CHD7: variants seen among roughly 807,000 people sequenced by gnomAD.
CHD7 encodes the protein chromodomain helicase DNA binding protein 7.
In CHD7, 24 loss-of-function variants were observed where a neutral mutation model predicts 307.3. The ratio of observed to expected loss-of-function variants is 0.08; its 90% CI spans 0.06 to 0.11. The LOEUF (loss-of-function observed/expected upper bound fraction) is 0.11, where lower values mean the gene tolerates loss of function less well. CHD7 is among the 10% of genes least tolerant of loss of function. The pLI is 1.00. For synonymous variants in CHD7, 1,363 were observed against 1,349.9 expected (o/e 1.01, Z -0.21); for missense variants, 3,106 against 3,727.1 (o/e 0.83, Z 4.34).
intron 4 of CHD7, among the ~76,000 whole-genome samples, chr8:60,799,752 C>A (rs1769207449): frequency 6.6e-6 from 1 of 152,078 alleles, no homozygotes. Context: ...CCTATAGATT[C>A]ATTAGCCAGC....
At chr8:60,857,314 G>A (rs3793444) in intron 34 of CHD7, among the ~76,000 whole-genome samples, 104,434 of 152,114 alleles carry the variant, frequency 0.69, 36,271 homozygotes, top group African/African-American at 0.77. Flanking sequence ...AAATTCTCCT[G>A]TCTCCTTAAG....
intron 7 of CHD7, among the ~76,000 whole-genome samples, chr8:60,810,745 C>T (rs1033462397): frequency 6.6e-6 from 1 of 152,108 alleles, no homozygotes; most frequent in Non-Finnish European, 1.5e-5. Context: ...AAAACTTTAT[C>T]CAAAATGTCC....
intron 3 of CHD7, among the ~76,000 whole-genome samples, chr8:60,793,767 T>G (rs1811885298): frequency 1.3e-5 from 2 of 152,328 alleles, no homozygotes; most frequent in South Asian, 4.1e-4. Flanking sequence ...TTTTAAAAAA[T>G]CATTACTGAG....
At chr8:60,690,780 T>A (rs1006047720) in intron 1 of CHD7, among the ~76,000 whole-genome samples, 1 of 152,164 alleles carries the variant, frequency 6.6e-6, no homozygotes, top group African/African-American at 2.4e-5. Flanking sequence ...TTTACTGTTG[T>A]CTCGGTATGG....
intron 17 of CHD7, among the ~76,000 whole-genome samples, 182 bp from the exon 18 acceptor site, chr8:60,837,486 C>A (rs1029236570): frequency 6.6e-6 from 1 of 152,154 alleles, no homozygotes; most frequent in Admixed American, 6.5e-5. Flanking sequence ...CCAGCTCTCT[C>A]GCCTCTTTAT....
Position 60,865,112 on chromosome 8 carries a change from A to T in CHD7, c.8173A>T (p.Ile2725Phe). Residue 2725 changes from isoleucine (I) to phenylalanine (F), a missense_variant, in exon 38 of 38, where the codon ATC (isoleucine) becomes TTC (phenylalanine). Ile to Phe is a conservative substitution (Grantham distance 21). This residue lies in a region of CHD7 where 351 missense variants were observed against 366.2 expected (regional missense o/e 0.96). Coordinates refer to ENST00000423902, the MANE Select transcript of CHD7 (RefSeq NM_017780.4). This position sits in a 1 kb window ranked among gnomAD's most constrained non-coding sequence, Gnocchi z 4.3. ...AAGAGGAAGAAGGCCCAAAAGTGAG[A>T]TCGCCAGAGCAGCCGCGGCCGCCGC... ...SRRGRRPKSEIARAAAAAAAV... is the reference protein window; with the variant it reads ...SRRGRRPKSEFARAAAAAAAV... The T allele has an allele frequency of 1.9e-6, 3 of 1,611,038 alleles. No individual in the cohort carries two copies. Among genetic ancestry groups the T allele is most frequent in the Non-Finnish European group, 2.5e-6 (3 of 1,178,704 alleles).
intron 2 of CHD7, among the ~76,000 whole-genome samples, chr8:60,773,762 G>T (rs1463926014): frequency 3.3e-5 from 5 of 152,174 alleles, no homozygotes; most frequent in African/African-American, 1.2e-4. Context: ...CCTCGATATT[G>T]ATTGCATTGA....
Position 60,865,274 on chromosome 8 carries a change from C to A in CHD7, c.8335C>A (p.Leu2779Met). The A allele has an allele frequency of 6.2e-7, 1 of 1,607,980 alleles. No individual in the cohort carries two copies. The highest frequency in any genetic ancestry group is 1.3e-5 in the African/African-American group (1 of 74,936). The change falls in exon 38 of 38, where the codon CTG (leucine) becomes ATG (methionine). Residue 2779 changes from leucine (L) to methionine (M), a missense_variant. Physicochemically the swap from Leu to Met is conservative, Grantham distance 15. This residue lies in a region of CHD7 where 351 missense variants were observed against 366.2 expected (regional missense o/e 0.96). Transcript: ENST00000423902. This position sits in a 1 kb window ranked among gnomAD's most constrained non-coding sequence, Gnocchi z 4.3. ...AGGCCTCATGGGCTTCCCTCCAGGA[C>A]TGGCAACAGCTGCCACCGCCGGAGG... ...LAGLMGFPPG[L>M]ATAATAGGDA...
intron 9 of CHD7, 62 bp from the exon 10 acceptor site, chr8:60,821,728 A>G (rs1465879606): frequency 7.1e-7 from 1 of 1,405,736 alleles, no homozygotes; most frequent in South Asian, 1.3e-5. Context: ...ATACACATAT[A>G]TATGTATATG....
chr8:60,768,324 T>A (rs1165321599), intron 2 of CHD7, among the ~76,000 whole-genome samples: 2 of 152,252 alleles, frequency 1.3e-5, no homozygotes, highest in South Asian at 4.1e-4. Flanking sequence ...GATGAGGAAG[T>A]TGAGGCATCT....
intron 9 of CHD7, among the ~76,000 whole-genome samples, chr8:60,821,532 A>G (rs1403262469): frequency 6.0e-5 from 9 of 151,126 alleles, no homozygotes; most frequent in Non-Finnish European, 5.9e-5. Context: ...ATATACATGT[A>G]TATGTATATA....
intron 2 of CHD7, among the ~76,000 whole-genome samples, chr8:60,767,073 A>AGC (rs1324103061): frequency 6.6e-6 from 1 of 152,232 alleles, no homozygotes; most frequent in Non-Finnish European, 1.5e-5. Context: ...CATGCGAAGA[A>AGC]GCGAGGAGTG....
chr8:60,769,465 A>T (rs1374297790), intron 2 of CHD7, among the ~76,000 whole-genome samples: 1 of 152,198 alleles, frequency 6.6e-6, no homozygotes, highest in Non-Finnish European at 1.5e-5. Context: ...CCTATTGAAG[A>T]TACGTGTGTA....
At chr8:60,859,211 A>G (rs1246781149) in intron 34 of CHD7, among the ~76,000 whole-genome samples, 2 of 152,238 alleles carry the variant, frequency 1.3e-5, no homozygotes, top group Non-Finnish European at 2.9e-5. Context: ...ATGTGCATGC[A>G]CATAAAATAC....
rs71640287 is a variant in CHD7, at chr8:60,841,790, C to T, written c.4644+36C>T. ...AGTCCCATTCGAACACCTATCTGAT[C>T]TAAACCAAGAGCCACTCTTTGAGAA... On this transcript the variant is annotated intron_variant, in intron 20 of 37. Transcript: ENST00000423902. 1.8e-3 allele frequency: 2,834 copies of T among 1,608,036 alleles called. 9 individuals carry two copies. Among genetic ancestry groups the T allele is most frequent in the Middle Eastern group, 5.0e-3 (30 of 6,052 alleles).
chr8:60,792,724 A>C, intron 3 of CHD7, among the ~76,000 whole-genome samples: 1 of 152,058 alleles, frequency 6.6e-6, no homozygotes, highest in Middle Eastern at 3.4e-3. Flanking sequence ...TAAGCCTTTT[A>C]CTCCTGTAGG....
chr8:60,756,982 G>T (rs1448236622), intron 2 of CHD7, among the ~76,000 whole-genome samples: 2 of 152,220 alleles, frequency 1.3e-5, no homozygotes, highest in Non-Finnish European at 2.9e-5. Context: ...TTGCTGGAGA[G>T]AAGAGCTCCA....
chr8:60,847,179 C>T lies in CHD7; in HGVS notation c.5211-1336C>T, dbSNP rs184684543. On this transcript the variant is annotated intron_variant, in intron 23 of 37. Transcript: ENST00000423902. ...ACACTTGGCCTATCCAGAACCCATG[C>T]TGGCCGTGAGTAGGCTCGTGGTTGG... 2.2e-3 allele frequency among the ~76,000 whole-genome samples: 334 copies of T among 152,334 alleles called. 2 individuals are homozygous for T. The highest frequency in any genetic ancestry group is 7.8e-3 in the African/African-American group (323 of 41,580).
chr8:60,741,785 G>C lies in CHD7; in HGVS notation c.353G>C (p.Ser118Thr). 1 of 1,613,952 alleles carries C rather than the reference G, an allele frequency of 6.2e-7. No individual in the cohort carries two copies. The highest frequency in any genetic ancestry group is 8.5e-7 in the Non-Finnish European group (1 of 1,179,878). The change falls in exon 2 of 38, where the codon AGT becomes ACT. Residue 118 changes from serine to threonine, a missense_variant. Ser to Thr is a moderately conservative substitution (Grantham distance 58, BLOSUM62 1). Coordinates refer to ENST00000423902, the MANE Select transcript of CHD7 (RefSeq NM_017780.4). ...PPVPQVPHGGSGGGQMGVYPG... is the reference protein window; with the variant it reads ...PPVPQVPHGGTGGGQMGVYPG... ...GTTCCTCAGGTGCCCCATGGTGGCA[G>C]TGGTGGCGGTCAGATGGGTGTCTAC...
Sources: gnomAD v4.1 joint callset for allele counts (sites outside exome capture counted in the v4.1 genomes callset) on GRCh38, gnomAD v4.1.1 for gene constraint, gnomAD v4.1.1 regional missense constraint, Gnocchi (gnomAD v3.1) non-coding constraint, MANE v1.5 for transcripts, NCBI Gene and HGNC (gene_info 2026-07-23, HGNC 2026-07-21) for gene names.